The following SORCS2 variants were observed in gnomAD, a reference collection of about 807,000 sequenced individuals.
The protein encoded by SORCS2 is VPS10 domain-containing receptor SorCS2.
A neutral mutation model predicts 141.6 loss-of-function variants in SORCS2; 100 were observed. The ratio of observed to expected loss-of-function variants is 0.71; its 90% CI spans 0.60 to 0.83. The LOEUF is 0.83. SORCS2 is among the 40% of genes least tolerant of loss of function. The pLI, the probability that SORCS2 is intolerant of heterozygous loss-of-function variation, is 0.00. For missense variants in SORCS2, 1,646 were observed against 1,560.2 expected (o/e 1.05, Z -0.93); for synonymous variants, 789 against 676.9 (o/e 1.17, Z -2.57).
rs542815760 is a variant in SORCS2, at chr4:7,740,252, C to T, written c.3468C>T (p.Tyr1156=). ...TCAACTCCCGAGAGATGCACAGCTA[C>T]CTGGTGAGCTGATGCCACCCCAGCA... The part of the protein sequence containing the change: ...LSINSREMHS[Y]LVS The change falls in exon 27 of 27, where the codon TAC becomes TAT. Residue 1156 remains tyrosine (Y), a synonymous_variant. Transcript: ENST00000507866. The T allele has an allele frequency of 3.7e-6, 6 of 1,609,834 alleles. No individual in the cohort carries two copies. In the African/African-American group the frequency reaches 8.0e-5, roughly 21 times the overall value.
intron 19 of SORCS2, among the ~76,000 whole-genome samples, chr4:7,724,931 A>AGTTATGGTGATGATGGTG (rs1560115116): frequency 0.091 from 2,321 of 25,418 alleles, 384 homozygotes; most frequent in South Asian, 0.15. Context: ...GGATGGTGGT[A>AGTTATGGTGATGATGGTG]GTAGTGGTGA....
intron 25 of SORCS2, among the ~76,000 whole-genome samples, chr4:7,736,541 C>T (rs1038249220): frequency 9.9e-5 from 15 of 152,152 alleles, no homozygotes; most frequent in Middle Eastern, 3.2e-3. Context: ...TGGCCCAGGG[C>T]GGGTCCTGAG....
chr4:7,572,804 C>T (rs1715489962), intron 3 of SORCS2, among the ~76,000 whole-genome samples: 1 of 152,240 alleles, frequency 6.6e-6, no homozygotes, highest in Non-Finnish European at 1.5e-5. Context: ...GTTTTTAACA[C>T]ATTGGCTAAC....
chr4:7,229,954 C>G (rs1057300317), intron 1 of SORCS2, among the ~76,000 whole-genome samples: 1 of 145,824 alleles, frequency 6.9e-6, no homozygotes, highest in Non-Finnish European at 1.5e-5. Context: ...GTGTCATGTG[C>G]TCATGTATGA....
rs565977895 is a variant in SORCS2 at position 7,291,323 on chromosome 4, G to C, written c.480+98197G>C. On this transcript the variant is annotated intron_variant, in intron 1 of 26. Transcript: ENST00000507866. ...TGCTTTTCACAGCAGCTTCATGACT[G>C]CAGGTGCAGACGGGCCACGGAGCCT... Among the ~76,000 whole-genome samples the C allele has an allele frequency of 1.5e-3, 236 of 152,292 alleles. 1 individual carries two copies. The highest frequency in any genetic ancestry group is 3.0e-3 in the Non-Finnish European group (205 of 68,010).
chr4:7,733,467 C>A, intron 24 of SORCS2, 46 bp downstream of exon 24: 1 of 1,471,260 alleles, frequency 6.8e-7, no homozygotes, highest in South Asian at 1.3e-5. Context: ...AGGAGGCATC[C>A]GGGCCCTGGA....
At chr4:7,262,331 C>T (rs1383940975) in intron 1 of SORCS2, among the ~76,000 whole-genome samples, 1 of 145,858 alleles carries the variant, frequency 6.9e-6, no homozygotes, top group Non-Finnish European at 1.5e-5. Context: ...TCCATCCATC[C>T]ATCTATCCAT....
intron 1 of SORCS2, among the ~76,000 whole-genome samples, chr4:7,218,764 T>A (rs527740664): frequency 6.6e-6 from 1 of 152,346 alleles, no homozygotes; most frequent in East Asian, 1.9e-4. Flanking sequence ...TGAATCCCGA[T>A]AGGAATGTCA....
intron 2 of SORCS2, among the ~76,000 whole-genome samples, chr4:7,445,925 C>T (rs2109272537): frequency 6.6e-6 from 1 of 152,276 alleles, no homozygotes; most frequent in African/African-American, 2.4e-5. Flanking sequence ...TGCTCACCTG[C>T]CCAGGCCCAC....
intron 1 of SORCS2, among the ~76,000 whole-genome samples, chr4:7,306,289 A>G (rs1485239101): frequency 6.9e-6 from 1 of 143,894 alleles, no homozygotes; most frequent in Non-Finnish European, 1.5e-5. Flanking sequence ...GCTCCGGGGT[A>G]GGCTTGTTGA....
intron 1 of SORCS2, among the ~76,000 whole-genome samples, chr4:7,305,361 G>T (rs1717740591): frequency 7.3e-6 from 1 of 137,770 alleles, no homozygotes; most frequent in Non-Finnish European, 1.6e-5. Flanking sequence ...TTCTACTTTA[G>T]TTTTTTTTTT....
chr4:7,331,741 C>T lies in SORCS2; in HGVS notation c.481-64547C>T, dbSNP rs139602514. On this transcript the variant is annotated intron_variant, in intron 1 of 26. Transcript: ENST00000507866. ...TTCTAACGAGCCCCCAGGTGGCTGA[C>T]GAAGCGGGTCTGCAGAGCGCCTTGG... Among the ~76,000 whole-genome samples the T allele has an allele frequency of 7.6e-4, 116 of 152,280 alleles. No individual in the cohort carries two copies. In the East Asian group the frequency reaches 0.019, roughly 26 times the overall value.
intron 1 of SORCS2, among the ~76,000 whole-genome samples, chr4:7,383,839 G>A (rs1042410009): frequency 6.6e-6 from 1 of 152,200 alleles, no homozygotes; most frequent in Non-Finnish European, 1.5e-5. Flanking sequence ...ATCAGGTTAT[G>A]AGAAATGGAG....
At chr4:7,202,409 T>A (rs532337352) in intron 1 of SORCS2, among the ~76,000 whole-genome samples, 1 of 151,926 alleles carries the variant, frequency 6.6e-6, no homozygotes, top group South Asian at 2.1e-4. Context: ...GTGGAAAATC[T>A]CCTTCTTATT....
chr4:7,217,425 G>C (rs991019021), intron 1 of SORCS2, among the ~76,000 whole-genome samples: 3 of 152,202 alleles, frequency 2.0e-5, no homozygotes, highest in Non-Finnish European at 4.4e-5. Flanking sequence ...CGCCTGGCTC[G>C]TGGCCTCTGG....
chr4:7,354,982 A>G (rs1721159697), intron 1 of SORCS2, among the ~76,000 whole-genome samples: 1 of 152,142 alleles, frequency 6.6e-6, no homozygotes, highest in African/African-American at 2.4e-5. Context: ...TTTTGTTTCC[A>G]AACAGTATCA....
At chr4:7,387,807 C>G (rs1197339157) in intron 1 of SORCS2, among the ~76,000 whole-genome samples, 2 of 149,094 alleles carry the variant, frequency 1.3e-5, no homozygotes, top group Admixed American at 6.7e-5. Flanking sequence ...CTCACATGCA[C>G]ACACAGATAC....
At chr4:7,283,821 G>T (rs867220075) in intron 1 of SORCS2, among the ~76,000 whole-genome samples, 6 of 152,006 alleles carry the variant, frequency 3.9e-5, no homozygotes, top group Admixed American at 6.6e-5. Context: ...ATGGAGGAGG[G>T]GGCAGGACCA....
At chr4:7,198,745 CG>C (rs1560106149) in intron 1 of SORCS2, among the ~76,000 whole-genome samples, 1 of 152,098 alleles carries the variant, frequency 6.6e-6, no homozygotes, top group East Asian at 1.9e-4. Flanking sequence ...CAAGCCTGTC[CG>C]GGACCCTGGG....
Sources: gnomAD v4.1 joint callset for allele counts (sites outside exome capture counted in the v4.1 genomes callset) on GRCh38, gnomAD v4.1.1 for gene constraint, MANE v1.5 for transcripts, NCBI Gene and HGNC (gene_info 2026-07-23, HGNC 2026-07-21) for gene names.